Variants in DENND1B observed in about 807,000 individuals in gnomAD.
The protein encoded by DENND1B is DENN domain containing 1B.
Under a neutral mutation model 90.1 loss-of-function variants are expected in DENND1B, and 59 were observed. The observed-to-expected ratio is 0.65, with a 90% CI of 0.53 to 0.81. The LOEUF (loss-of-function observed/expected upper bound fraction) is 0.81. Among genes scored for constraint, DENND1B ranks in the 40% least tolerant of loss-of-function variants. The pLI, the probability that DENND1B is intolerant of heterozygous loss-of-function variation, is 0.00. For missense variants in DENND1B, 862 were observed against 912.6 expected (o/e 0.94, Z 0.71); for synonymous variants, 337 against 324.6 (o/e 1.04, Z -0.41).
intron 11 of DENND1B, among the ~76,000 whole-genome samples, chr1:197,612,579 T>C (rs1215631575): frequency 1.3e-5 from 2 of 150,690 alleles, no homozygotes; most frequent in Non-Finnish European, 3.0e-5. Flanking sequence ...TTTCCCCTCA[T>C]GTACATTGTC....
chr1:197,775,789 A>C (rs1051871270), upstream of DENND1B: 1 of 152,352 alleles, frequency 6.6e-6, no homozygotes, highest in Admixed American at 6.5e-5. Flanking sequence ...AAGTACCTGG[A>C]AAAGTACCTC....
chr1:197,720,785 A>C (rs927262391), intron 2 of DENND1B, among the ~76,000 whole-genome samples: 6 of 152,226 alleles, frequency 3.9e-5, no homozygotes, highest in African/African-American at 1.4e-4. Context: ...ATAGTATGAT[A>C]GACTGTACTA....
intron 2 of DENND1B, among the ~76,000 whole-genome samples, chr1:197,762,630 T>G (rs769963285): frequency 6.6e-6 from 1 of 152,190 alleles, no homozygotes; most frequent in African/African-American, 2.4e-5. Flanking sequence ...GTCCTCATAT[T>G]GTATATTGGA....
chr1:197,560,070 C>A (rs530597424), intron 15 of DENND1B, among the ~76,000 whole-genome samples: 1 of 151,822 alleles, frequency 6.6e-6, no homozygotes, highest in Non-Finnish European at 1.5e-5. Context: ...GTATTAAGAG[C>A]CCACTCAGTG....
chr1:197,642,668 A>G (rs1354812491), intron 10 of DENND1B, 43 bp downstream of exon 10: 2 of 1,437,896 alleles, frequency 1.4e-6, no homozygotes, highest in South Asian at 2.5e-5. Flanking sequence ...CTTTTTGTGA[A>G]ACACTCAATA....
chr1:197,770,847 A>AAT (rs1276660943), intron 2 of DENND1B, among the ~76,000 whole-genome samples: 1 of 121,020 alleles, frequency 8.3e-6, no homozygotes, highest in Non-Finnish European at 1.8e-5. Context: ...AATATATATA[A>AAT]ATATATATCT....
At chr1:197,731,724 T>G (rs1447395232) in intron 2 of DENND1B, among the ~76,000 whole-genome samples, 1 of 152,102 alleles carries the variant, frequency 6.6e-6, no homozygotes, top group African/African-American at 2.4e-5. Flanking sequence ...AGGAAAAACT[T>G]TTAAAATGCT....
At chr1:197,639,448 A>G (rs1217583539) in intron 10 of DENND1B, among the ~76,000 whole-genome samples, 1 of 152,196 alleles carries the variant, frequency 6.6e-6, no homozygotes, top group Non-Finnish European at 1.5e-5. Flanking sequence ...TGTCACCACT[A>G]AAACCTACAG....
intron 7 of DENND1B, among the ~76,000 whole-genome samples, 160 bp from the exon 8 acceptor site, chr1:197,647,274 C>T (rs536778289): frequency 1.3e-5 from 2 of 152,172 alleles, no homozygotes; most frequent in South Asian, 4.1e-4. Context: ...TGCTGATTTG[C>T]TAATTTTATG....
intron 15 of DENND1B, among the ~76,000 whole-genome samples, chr1:197,567,421 T>A (rs1672771242): frequency 6.6e-6 from 1 of 152,064 alleles, no homozygotes; most frequent in African/African-American, 2.4e-5. Flanking sequence ...AACAAACATT[T>A]AAAGAATACC....
intron 16 of DENND1B, chr1:197,552,700 C>T (rs1252477053): frequency 3.7e-6 from 4 of 1,078,018 alleles, no homozygotes; most frequent in Middle Eastern, 4.1e-4. Context: ...AGTTTTCTAG[C>T]AGAGAATACT....
intron 15 of DENND1B, among the ~76,000 whole-genome samples, chr1:197,554,903 ACTTT>A (rs1671589549): frequency 6.6e-6 from 1 of 151,728 alleles, no homozygotes; most frequent in Non-Finnish European, 1.5e-5. Context: ...CAGTTATAAG[ACTTT>A]GATTCAAAAA....
chr1:197,633,203 G>GT (rs1475510919), intron 10 of DENND1B, among the ~76,000 whole-genome samples: 1 of 152,138 alleles, frequency 6.6e-6, no homozygotes, highest in Non-Finnish European at 1.5e-5. Flanking sequence ...GTCTACATTT[G>GT]TAAAAAATGA....
chr1:197,537,844 C>G (rs2125648586), intron 20 of DENND1B, among the ~76,000 whole-genome samples: 1 of 151,850 alleles, frequency 6.6e-6, no homozygotes, highest in Admixed American at 6.6e-5. Context: ...TAATTAATAA[C>G]AGAGTACTGT....
chr1:197,671,992 T>C lies in DENND1B; in HGVS notation c.296+45A>G, dbSNP rs749514164. The stretch of plus-strand genomic sequence containing the variant: ...AGCATAACAAAGTACAATAGAGAGA[T>C]AGTTACCTATTTTGCATCTAATTTT... On this transcript the variant is annotated intron_variant, in intron 5 of 22. Transcript: ENST00000620048. 5.0e-6 allele frequency: 8 copies of C among 1,588,584 alleles called. No individual in the cohort carries two copies. The Admixed American group carries it at 1.2e-4, about 25-fold the overall frequency.
intron 9 of DENND1B, among the ~76,000 whole-genome samples, 154 bp from the exon 10 acceptor site, chr1:197,642,975 C>T (rs1483789864): frequency 6.8e-6 from 1 of 146,508 alleles, no homozygotes; most frequent in Admixed American, 6.9e-5. Context: ...TAGTCGGCTG[C>T]CACATAAAGT....
chr1:197,694,314 TGA>T (rs1430209503), intron 3 of DENND1B, among the ~76,000 whole-genome samples: 1 of 151,502 alleles, frequency 6.6e-6, no homozygotes, highest in Admixed American at 6.6e-5. Context: ...GAGTTAATAA[TGA>T]GTTTATGCCA....
chr1:197,522,278 C>G (rs1668832657), intron 20 of DENND1B, among the ~76,000 whole-genome samples: 1 of 152,060 alleles, frequency 6.6e-6, no homozygotes, highest in South Asian at 2.1e-4. Flanking sequence ...TTGGTGAAGT[C>G]TGATGAATTC....
intron 13 of DENND1B, among the ~76,000 whole-genome samples, chr1:197,600,473 TTACTC>T (rs1340932963): frequency 2.6e-5 from 4 of 151,748 alleles, no homozygotes; most frequent in African/African-American, 4.8e-5. Context: ...ATTCTCCTCT[TTACTC>T]TACGGCAAGG....
Sources: allele counts gnomAD v4.1 joint callset (sites outside exome capture counted in the v4.1 genomes callset), GRCh38; gene constraint gnomAD v4.1.1; transcripts MANE v1.5; gene names NCBI Gene and HGNC (gene_info 2026-07-23, HGNC 2026-07-21).